The following USP3 variants were observed in gnomAD, a reference collection of about 807,000 sequenced individuals.
USP3 encodes ubiquitin specific peptidase 3, also known as ubiquitin carboxyl-terminal hydrolase 3.
USP3 carries 20 observed loss-of-function variants against 72.3 expected under a neutral mutation model. The ratio of observed to expected loss-of-function variants is 0.28; its 90% CI spans 0.19 to 0.40. USP3 has a LOEUF of 0.40. Among genes scored for constraint, USP3 ranks in the 10% least tolerant of loss-of-function variants. The pLI is 1.00. For synonymous variants in USP3, 222 were observed against 225.3 expected (o/e 0.99, Z 0.13); for missense variants, 479 against 633.9 (o/e 0.76, Z 2.62).
At chr15:63,511,417 A>ATTACTTAT (rs1451923037) in intron 1 of USP3, among the ~76,000 whole-genome samples, 2 of 152,102 alleles carry the variant, frequency 1.3e-5, no homozygotes, top group African/African-American at 2.4e-5. Context: ...CATCTCAAAA[A>ATTACTTAT]TTACTTATTT....
At chr15:63,560,456 G>GT (rs1400350487) in intron 7 of USP3, among the ~76,000 whole-genome samples, 1 of 150,942 alleles carries the variant, frequency 6.6e-6, no homozygotes, top group Non-Finnish European at 1.5e-5. Flanking sequence ...TTTATTTACC[G>GT]TAACAGGAGG....
At chr15:63,517,054 ATTATAC>A (rs1453315318) in intron 1 of USP3, among the ~76,000 whole-genome samples, 2 of 147,546 alleles carry the variant, frequency 1.4e-5, no homozygotes, top group South Asian at 2.1e-4. Context: ...TTTTTATTAT[ATTATAC>A]TTTAAGTTTT....
rs559384676 is a variant in USP3, at chr15:63,567,067, G to A, written c.762-3366G>A. ...AGACACAGAAAATAGTAATGTGCAG[G>A]CATGTCATAGTTAAGTATGTGGTGG... On this transcript the variant is annotated intron_variant, in intron 8 of 14. Coordinates refer to ENST00000380324, the MANE Select transcript of USP3 (RefSeq NM_006537.4). Among the ~76,000 whole-genome samples the A allele has an allele frequency of 1.1e-3, 168 of 152,262 alleles. 1 individual carries two copies. The highest frequency in any genetic ancestry group is 4.0e-3 in the African/African-American group (165 of 41,558).
chr15:63,542,422 A>T (rs1415425183), intron 3 of USP3, among the ~76,000 whole-genome samples: 1 of 152,110 alleles, frequency 6.6e-6, no homozygotes, highest in African/African-American at 2.4e-5. Flanking sequence ...ATAGAAATCT[A>T]ACAGAAACTC....
chr15:63,578,688 T>A (rs1164804984), intron 11 of USP3, among the ~76,000 whole-genome samples: 1 of 151,728 alleles, frequency 6.6e-6, no homozygotes, highest in Non-Finnish European at 1.5e-5. Context: ...CTATCAGTGA[T>A]CATCATAGTT....
chr15:63,541,830 C>T (rs2066249709), intron 3 of USP3, among the ~76,000 whole-genome samples: 1 of 152,004 alleles, frequency 6.6e-6, no homozygotes, highest in African/African-American at 2.4e-5. Context: ...ATCAAAATGT[C>T]TTAGAAGTGA....
intron 14 of USP3, 50 bp from the exon 15 acceptor site, chr15:63,590,611 T>G (rs1200883439): frequency 6.8e-7 from 1 of 1,468,600 alleles, no homozygotes; most frequent in Non-Finnish European, 9.1e-7. Context: ...TGTACAGGTC[T>G]TTTTGTGATT....
chr15:63,573,173 G>T (rs546221774), intron 9 of USP3, among the ~76,000 whole-genome samples: 3 of 152,286 alleles, frequency 2.0e-5, no homozygotes, highest in African/African-American at 7.2e-5. Flanking sequence ...AAACATAAAA[G>T]TAAGAAGCAG....
Position 63,590,919 on chromosome 15 carries a change from C to CT in USP3, c.*97dup, listed in dbSNP as rs2067186749. ...ATACAAGATTTAATTTCATTATGCA[C>CT]TTTTCAATTTCCTATTTTGGATTTA... On this transcript the variant is annotated 3_prime_UTR_variant, in exon 15 of 15. Transcript: ENST00000380324. 1.4e-6 allele frequency: 2 copies of CT among 1,399,744 alleles called. No homozygotes were observed. The highest frequency in any genetic ancestry group is 1.5e-5 in the African/African-American group (1 of 68,354). 86.7% of individuals were successfully genotyped at this position (1,399,744 alleles called of 1,614,324 possible). A position where few individuals can be genotyped will look rare whatever the true frequency, so the allele number is the denominator to read the frequency against.
chr15:63,535,988 G>C (rs1236744917), intron 2 of USP3, among the ~76,000 whole-genome samples: 1 of 152,226 alleles, frequency 6.6e-6, no homozygotes, highest in African/African-American at 2.4e-5. Flanking sequence ...CTTCACGTTG[G>C]TGGTTAGTGA....
intron 7 of USP3, among the ~76,000 whole-genome samples, chr15:63,561,567 C>A (rs1349097805): frequency 2.0e-5 from 3 of 152,206 alleles, no homozygotes; most frequent in South Asian, 2.1e-4. Flanking sequence ...CTTTGCCCCC[C>A]CTGCTACCAG....
intron 1 of USP3, among the ~76,000 whole-genome samples, 166 bp downstream of exon 1, chr15:63,504,996 A>AGCGGCG (rs1567085644): frequency 6.7e-6 from 1 of 150,018 alleles, no homozygotes; most frequent in East Asian, 1.9e-4. Context: ...CGCGTGCGGG[A>AGCGGCG]GCGGCGGCGG....
intron 1 of USP3, among the ~76,000 whole-genome samples, chr15:63,507,041 T>A (rs1432982762): frequency 6.6e-6 from 1 of 152,232 alleles, no homozygotes; most frequent in African/African-American, 2.4e-5. Flanking sequence ...AACTAACTCA[T>A]TATCTTGGAG....
At chr15:63,537,778 C>T (rs1040097174) in intron 3 of USP3, among the ~76,000 whole-genome samples, 28 of 152,086 alleles carry the variant, frequency 1.8e-4, no homozygotes, top group Admixed American at 1.0e-3. Flanking sequence ...GTCTGCCTCC[C>T]GGGTTCAAGC....
intron 11 of USP3, among the ~76,000 whole-genome samples, chr15:63,587,062 G>A (rs140648117): frequency 1.6e-4 from 24 of 152,238 alleles, no homozygotes; most frequent in Middle Eastern, 3.4e-3. Context: ...AGAGACAAGA[G>A]CGCTTTTCTG....
chr15:63,585,752 A>G (rs2067045332), intron 11 of USP3, among the ~76,000 whole-genome samples: 1 of 150,244 alleles, frequency 6.7e-6, no homozygotes, highest in South Asian at 2.1e-4. Flanking sequence ...TTATACCTTC[A>G]GTCCACTTTA....
chr15:63,564,518 T>C (rs927014961), intron 8 of USP3, among the ~76,000 whole-genome samples: 1 of 152,220 alleles, frequency 6.6e-6, no homozygotes, highest in African/African-American at 2.4e-5. Context: ...TTAGAAACAT[T>C]ATCATATTTT....
intron 6 of USP3, among the ~76,000 whole-genome samples, chr15:63,559,491 G>T (rs2066568806): frequency 6.6e-6 from 1 of 152,162 alleles, no homozygotes. Flanking sequence ...AAATAATATG[G>T]TCGGTTTCAT....
At chr15:63,527,871 G>C (rs1046255083) in intron 1 of USP3, 1 of 152,296 alleles carries the variant, frequency 6.6e-6, no homozygotes, top group Admixed American at 6.5e-5. Context: ...TTTCAGGAGA[G>C]TTAAATGTTT....
Sources: gnomAD v4.1 joint callset for allele counts (sites outside exome capture counted in the v4.1 genomes callset) on GRCh38, gnomAD v4.1.1 for gene constraint, MANE v1.5 for transcripts, NCBI Gene and HGNC (gene_info 2026-07-23, HGNC 2026-07-21) for gene names.